NAA35: variants seen among roughly 807,000 people sequenced by gnomAD.
The protein encoded by NAA35 is MAK10 homolog, amino-acid N-acetyltransferase subunit.
In NAA35, 18 loss-of-function variants were observed where a neutral mutation model predicts 101.7. The observed-to-expected ratio is 0.18, with a 90% CI of 0.12 to 0.26. The LOEUF is 0.26. Ranked by LOEUF, NAA35 falls within the 10% of genes least tolerant of loss-of-function variation. The probability of loss-of-function intolerance (pLI) is 1.00; values close to 1 mark genes in which losing one functional copy is unlikely to be tolerated. For missense variants in NAA35, 601 were observed against 886.8 expected (o/e 0.68, Z 4.09); for synonymous variants, 267 against 273.1 (o/e 0.98, Z 0.22).
chr9:85,947,487 G>A (rs1191352188), intron 2 of NAA35, among the ~76,000 whole-genome samples: 1 of 152,166 alleles, frequency 6.6e-6, no homozygotes, highest in African/African-American at 2.4e-5. Flanking sequence ...CGTGTTCTGT[G>A]CCATCCAGAA....
intron 11 of NAA35, among the ~76,000 whole-genome samples, chr9:85,987,554 C>G (rs145453700): frequency 6.6e-6 from 1 of 152,214 alleles, no homozygotes; most frequent in African/African-American, 2.4e-5. Flanking sequence ...AAAATTTTTT[C>G]TGTTTTTAAA....
At chr9:86,021,826 T>G in intron 22 of NAA35, 75 bp from the exon 23 acceptor site, 1 of 1,221,778 alleles carries the variant, frequency 8.2e-7, no homozygotes. Flanking sequence ...AACTCTAAAA[T>G]AAAAATAGTC....
At chr9:85,942,096 G>A in intron 1 of NAA35, 59 bp from the exon 2 acceptor site, 1 of 1,575,952 alleles carries the variant, frequency 6.3e-7, no homozygotes. Flanking sequence ...ACCCATTTCT[G>A]CAAATACTCT....
intron 9 of NAA35, 98 bp from the exon 10 acceptor site, chr9:85,977,265 G>A (rs1033847652): frequency 1.2e-5 from 10 of 852,594 alleles, no homozygotes; most frequent in Admixed American, 9.2e-5. Context: ...AATGTAGTAA[G>A]TTATTAACAT....
chr9:85,965,957 T>A (rs1418585372), intron 6 of NAA35, among the ~76,000 whole-genome samples: 1 of 152,140 alleles, frequency 6.6e-6, no homozygotes. Flanking sequence ...GAATTTTATT[T>A]CTAGGGGGTT....
At chr9:85,961,918 G>T in intron 5 of NAA35, 95 bp from the exon 6 acceptor site, 3 of 860,188 alleles carry the variant, frequency 3.5e-6, no homozygotes, top group South Asian at 2.2e-5. Flanking sequence ...ATCTTATTTG[G>T]GTCTATGGTG....
At chr9:86,016,482 T>C in intron 17 of NAA35, 57 bp from the exon 18 acceptor site, 2 of 1,495,604 alleles carry the variant, frequency 1.3e-6, no homozygotes, top group Middle Eastern at 1.7e-4. Flanking sequence ...ATATATGTGT[T>C]GATAAAGCTG....
chr9:85,981,437 T>A (rs917177956), intron 11 of NAA35, among the ~76,000 whole-genome samples: 14 of 152,228 alleles, frequency 9.2e-5, no homozygotes, highest in African/African-American at 3.4e-4. Context: ...TTTTGCCATG[T>A]CTGACTACTC....
At chr9:86,002,011 C>T (rs1055427078) in intron 12 of NAA35, among the ~76,000 whole-genome samples, 1 of 152,072 alleles carries the variant, frequency 6.6e-6, no homozygotes, top group African/African-American at 2.4e-5. Flanking sequence ...AGTAGTCTTT[C>T]CTTTCTATAT....
chr9:85,976,550 C>T (rs1032171829), intron 8 of NAA35, 135 bp from the exon 9 acceptor site: 19 of 560,312 alleles, frequency 3.4e-5, no homozygotes, highest in Middle Eastern at 4.7e-4. Context: ...ATACTAGACA[C>T]GGCTTTTTTT....
chr9:86,014,392 C>G, intron 17 of NAA35: 1 of 979,890 alleles, frequency 1.0e-6, no homozygotes, highest in Non-Finnish European at 1.2e-6. Context: ...TTCCCTTTCA[C>G]TTGCGGACAA....
At chr9:86,021,494 T>G (rs1038509881) in intron 22 of NAA35, among the ~76,000 whole-genome samples, 2 of 152,206 alleles carry the variant, frequency 1.3e-5, no homozygotes, top group African/African-American at 4.8e-5. Flanking sequence ...TTCCATTGTT[T>G]CCTGTGATCT....
At chr9:86,004,128 G>A (rs1831529088) in intron 13 of NAA35, among the ~76,000 whole-genome samples, 1 of 152,080 alleles carries the variant, frequency 6.6e-6, no homozygotes, top group Non-Finnish European at 1.5e-5. Flanking sequence ...TTTGTTTTGA[G>A]ATAATCTCAC....
At chr9:85,960,505 A>G (rs752622042) in intron 5 of NAA35, among the ~76,000 whole-genome samples, 3 of 152,112 alleles carry the variant, frequency 2.0e-5, no homozygotes, top group Non-Finnish European at 2.9e-5. Context: ...GGTGTTTTAT[A>G]TGTATAGTTT....
intron 6 of NAA35, among the ~76,000 whole-genome samples, chr9:85,967,684 C>T (rs898459948): frequency 3.3e-5 from 5 of 151,970 alleles, no homozygotes; most frequent in African/African-American, 9.7e-5. Flanking sequence ...TGCCTGTAGT[C>T]CCAGCTACTC....
chr9:85,968,885 C>T (rs1272477034), intron 6 of NAA35, among the ~76,000 whole-genome samples: 1 of 152,108 alleles, frequency 6.6e-6, no homozygotes, highest in East Asian at 1.9e-4. Flanking sequence ...TTATATTTCC[C>T]TTCTCATACA....
intron 11 of NAA35, among the ~76,000 whole-genome samples, chr9:85,990,290 G>GC (rs1276425475): frequency 6.6e-6 from 1 of 152,124 alleles, no homozygotes; most frequent in Non-Finnish European, 1.5e-5. Flanking sequence ...GGAGACATCT[G>GC]CCCCCTTTAC....
At chr9:85,955,604 C>A (rs1829240857) in intron 2 of NAA35, among the ~76,000 whole-genome samples, 1 of 151,924 alleles carries the variant, frequency 6.6e-6, no homozygotes, top group Non-Finnish European at 1.5e-5. Flanking sequence ...ACCTCGTGAT[C>A]CACCCGCCTT....
At chr9:85,961,505 T>G (rs1829513624) in intron 5 of NAA35, among the ~76,000 whole-genome samples, 4 of 152,204 alleles carry the variant, frequency 2.6e-5, no homozygotes, top group Non-Finnish European at 5.9e-5. Context: ...GGTCACTTAG[T>G]AAAATAGTAT....
Sources: gnomAD v4.1 joint callset for allele counts (sites outside exome capture counted in the v4.1 genomes callset) on GRCh38, gnomAD v4.1.1 for gene constraint, MANE v1.5 for transcripts, NCBI Gene and HGNC (gene_info 2026-07-23, HGNC 2026-07-21) for gene names.